Variants in PCGF5 observed in about 807,000 individuals in gnomAD.
PCGF5 encodes the protein polycomb group RING finger protein 5.
PCGF5 carries 9 observed loss-of-function variants against 44.3 expected under a neutral mutation model. The observed-to-expected ratio is 0.20, with a 90% CI of 0.12 to 0.35. The LOEUF is 0.35. Among genes scored for constraint, PCGF5 ranks in the 10% least tolerant of loss-of-function variants. The pLI, the probability that PCGF5 is intolerant of heterozygous loss-of-function variation, is 1.00. For missense variants in PCGF5, 146 were observed against 305.3 expected (o/e 0.48, Z 3.89); for synonymous variants, 95 against 102.5 (o/e 0.93, Z 0.44).
At chr10:91,277,706 A>G (rs1406474283) in intron 9 of PCGF5, among the ~76,000 whole-genome samples, 1 of 152,264 alleles carries the variant, frequency 6.6e-6, no homozygotes, top group Non-Finnish European at 1.5e-5. Context: ...TGTAACAATC[A>G]GCTACTTTTT....
At chr10:91,241,844 A>G (rs551072321) in intron 3 of PCGF5, among the ~76,000 whole-genome samples, 3 of 152,238 alleles carry the variant, frequency 2.0e-5, no homozygotes, top group Non-Finnish European at 2.9e-5. Context: ...TAATTTGTCT[A>G]CAGGTAAATG....
chr10:91,204,939 T>A (rs1844317659), intron 1 of PCGF5, among the ~76,000 whole-genome samples: 2 of 152,334 alleles, frequency 1.3e-5, no homozygotes, highest in Admixed American at 1.3e-4. Flanking sequence ...TAATGTTTCT[T>A]AAAATTTGGA....
At chr10:91,171,306 T>C (rs1843600363) in intron 1 of PCGF5, among the ~76,000 whole-genome samples, 1 of 152,134 alleles carries the variant, frequency 6.6e-6, no homozygotes. Context: ...TGGCTGCATT[T>C]GAAATGGGTT....
chr10:91,217,914 G>C (rs1270452832), upstream of PCGF5, among the ~76,000 whole-genome samples: 1 of 152,134 alleles, frequency 6.6e-6, no homozygotes, highest in Non-Finnish European at 1.5e-5. Context: ...AGCCTCCCTA[G>C]TAGCTGGGAT....
intron 2 of PCGF5, among the ~76,000 whole-genome samples, chr10:91,229,000 G>A (rs1844928380): frequency 6.6e-6 from 1 of 152,154 alleles, no homozygotes; most frequent in Admixed American, 6.5e-5. Context: ...CTTTAAAGTA[G>A]GCAGTTTGTA....
intron 2 of PCGF5, among the ~76,000 whole-genome samples, chr10:91,225,876 G>A (rs946242005): frequency 2.6e-5 from 4 of 151,942 alleles, no homozygotes; most frequent in African/African-American, 7.2e-5. Context: ...GATATCCTGG[G>A]TTTCAACTCT....
chr10:91,264,067 G>C (rs1845989399), intron 7 of PCGF5, among the ~76,000 whole-genome samples: 1 of 152,166 alleles, frequency 6.6e-6, no homozygotes, highest in Non-Finnish European at 1.5e-5. Flanking sequence ...GAACTGTGAG[G>C]TTTCTGCAGG....
At chr10:91,196,040 G>A (rs552614851) in intron 1 of PCGF5, among the ~76,000 whole-genome samples, 38 of 150,886 alleles carry the variant, frequency 2.5e-4, no homozygotes, top group Admixed American at 8.6e-4. Flanking sequence ...CCACTTTCTC[G>A]CATCCCCTAC....
At chr10:91,176,665 A>G (rs1341074384) in intron 1 of PCGF5, among the ~76,000 whole-genome samples, 3 of 152,102 alleles carry the variant, frequency 2.0e-5, no homozygotes, top group South Asian at 2.1e-4. Flanking sequence ...TTGATCTTCC[A>G]TCACTGATAC....
chr10:91,193,709 T>A (rs1204133399), intron 1 of PCGF5, among the ~76,000 whole-genome samples: 1 of 152,000 alleles, frequency 6.6e-6, no homozygotes. Context: ...GCAATATAAT[T>A]TGATGTAATT....
intron 8 of PCGF5, among the ~76,000 whole-genome samples, chr10:91,266,144 T>C (rs750917779): frequency 2.0e-4 from 30 of 152,206 alleles, no homozygotes; most frequent in Non-Finnish European, 3.2e-4. Flanking sequence ...ATTATGATAT[T>C]ACACATAATA....
intron 9 of PCGF5, among the ~76,000 whole-genome samples, chr10:91,273,620 T>C (rs1455515013): frequency 6.6e-6 from 1 of 152,184 alleles, no homozygotes; most frequent in Admixed American, 6.5e-5. Flanking sequence ...GAATTCTCTC[T>C]AATTTTCAAG....
rs750721214 is a variant in PCGF5, at chr10:91,248,513, A to G, written c.218A>G (p.Asn73Ser). Residue 73 changes from asparagine to serine, a missense_variant, in exon 4 of 10, where the codon AAT (asparagine) becomes AGT (serine). Asn to Ser is a conservative substitution (Grantham distance 46). Around this residue, in one of 3 missense-constraint regions of PCGF5, gnomAD observed 123 missense variants for 268.6 expected, o/e 0.46. Coordinates refer to ENST00000336126, the MANE Select transcript of PCGF5 (RefSeq NM_032373.5). ...TNPLEMLRLD[N>S]TLEEIIFKLV... is the part of the protein sequence containing the mutation. The stretch of plus-strand genomic sequence containing the variant: ...TCTCCCCCCTTTCGAAGGTTGGACA[A>G]TACATTAGAGGAAATTATATTTAAG... The G allele has an allele frequency of 8.1e-6, 13 of 1,612,746 alleles. No individual in the cohort carries two copies. Among genetic ancestry groups the G allele is most frequent in the Non-Finnish European group, 1.1e-5 (13 of 1,179,002 alleles).
At chr10:91,204,261 C>T (rs1844302149) in intron 1 of PCGF5, among the ~76,000 whole-genome samples, 1 of 151,794 alleles carries the variant, frequency 6.6e-6, no homozygotes, top group Non-Finnish European at 1.5e-5. Flanking sequence ...GATGGGATTC[C>T]AGCATTGGAT....
At chr10:91,227,887 G>A in intron 2 of PCGF5, 1 of 983,674 alleles carries the variant, frequency 1.0e-6, no homozygotes, top group Non-Finnish European at 1.2e-6. Context: ...TCTAAGATGT[G>A]CCCTACCACC....
At chr10:91,207,589 C>A (rs540167745) in intron 1 of PCGF5, among the ~76,000 whole-genome samples, 3 of 152,282 alleles carry the variant, frequency 2.0e-5, no homozygotes, top group African/African-American at 7.2e-5. Flanking sequence ...AATGTGCAGA[C>A]CTGTCCCAAT....
intron 1 of PCGF5, among the ~76,000 whole-genome samples, chr10:91,202,149 A>G (rs996552633): frequency 6.6e-6 from 1 of 152,338 alleles, no homozygotes; most frequent in South Asian, 2.1e-4. Flanking sequence ...AAGTTTTTAT[A>G]TGTTCACTGC....
chr10:91,217,205 T>C (rs948846765), upstream of PCGF5, among the ~76,000 whole-genome samples: 4 of 152,188 alleles, frequency 2.6e-5, no homozygotes, highest in Non-Finnish European at 4.4e-5. Flanking sequence ...TGCTAATCTT[T>C]TGTATTTTTA....
chr10:91,227,240 T>C (rs1036001312), intron 2 of PCGF5: 5 of 430,672 alleles, frequency 1.2e-5, no homozygotes, highest in African/African-American at 1.0e-4. Context: ...TGTATGTTCT[T>C]TTTTTTTTCC....
Sources: allele counts gnomAD v4.1 joint callset (sites outside exome capture counted in the v4.1 genomes callset), GRCh38; gene constraint gnomAD v4.1.1; regional missense constraint gnomAD v4.1.1; transcripts MANE v1.5; gene names NCBI Gene and HGNC (gene_info 2026-07-23, HGNC 2026-07-21).